GRM8: variants seen among roughly 807,000 people sequenced by gnomAD.
The protein encoded by GRM8 is glutamate metabotropic receptor 8.
In GRM8, 47 loss-of-function variants were observed where a neutral mutation model predicts 87.2. The observed-to-expected ratio is 0.54, with a 90% CI of 0.43 to 0.69. The LOEUF is 0.69. GRM8 is among the 30% of genes least tolerant of loss of function. The pLI, the probability that GRM8 is intolerant of heterozygous loss-of-function variation, is 0.00. For missense variants in GRM8, 1,019 were observed against 1,139.2 expected, an observed-to-expected ratio of 0.89 and a Z score of 1.52; for synonymous variants, 396 against 404.5, an observed-to-expected ratio of 0.98 and a Z score of 0.25.
At chr7:126,763,466 TATATATACACACAC>T (rs1212103844) in intron 7 of GRM8, among the ~76,000 whole-genome samples, 1 of 82,608 alleles carries the variant, frequency 1.2e-5, no homozygotes, top group Non-Finnish European at 2.8e-5. Context: ...TATATATATA[TATATATACACACAC>T]ACACACACAC....
chr7:126,556,141 ACTT>A lies in GRM8; in HGVS notation c.1495-22257_1495-22255del, dbSNP rs1793108942. 2.0e-5 allele frequency among the ~76,000 whole-genome samples: 3 copies of A among 152,118 alleles called. No homozygotes were observed. The South Asian group carries it at 6.2e-4, about 32-fold the overall frequency. On this transcript the variant is annotated intron_variant, in intron 8 of 10. Transcript: ENST00000339582. ...AAGTTACTTGAATGAGAGACAAAATACTTCGTATCCATGAAATGAAATAACTCA... is the reference window on the plus strand; with the variant it reads ...AAGTTACTTGAATGAGAGACAAAATACGTATCCATGAAATGAAATAACTCA...
At chr7:126,617,336 C>T (rs1799613823) in intron 7 of GRM8, among the ~76,000 whole-genome samples, 2 of 152,248 alleles carry the variant, frequency 1.3e-5, no homozygotes, top group African/African-American at 4.8e-5. Context: ...GCCTTTCATG[C>T]TAAAAACTCT....
chr7:126,912,491 T>C (rs750473339), intron 3 of GRM8, among the ~76,000 whole-genome samples: 9 of 152,342 alleles, frequency 5.9e-5, no homozygotes, highest in Admixed American at 3.3e-4. Flanking sequence ...TCATCCTCCA[T>C]AATTATGTAA....
chr7:127,202,203 A>T (rs372865101), intron 2 of GRM8, among the ~76,000 whole-genome samples: 1 of 128,870 alleles, frequency 7.8e-6, no homozygotes, highest in African/African-American at 2.9e-5. Flanking sequence ...AAAAAAAAAA[A>T]GGGTCTCACT....
chr7:126,628,587 T>C (rs1037379518), intron 7 of GRM8, among the ~76,000 whole-genome samples: 6 of 152,172 alleles, frequency 3.9e-5, no homozygotes, highest in Non-Finnish European at 8.8e-5. Context: ...AAAGTAAGTA[T>C]ACAAAATACA....
chr7:126,883,936 A>T (rs967655563), intron 6 of GRM8, among the ~76,000 whole-genome samples: 1 of 152,200 alleles, frequency 6.6e-6, no homozygotes, highest in African/African-American at 2.4e-5. Flanking sequence ...GATGTATAAA[A>T]TATGTGTATT....
At position 126,788,302 on chromosome 7, in the gene GRM8, C is replaced by T. The variant is rs1268084394; in HGVS notation, c.1157-18237G>A. Among the ~76,000 whole-genome samples the T allele has an allele frequency of 4.0e-5, 6 of 149,888 alleles. No homozygotes were observed. The East Asian group carries it at 5.9e-4, about 15-fold the overall frequency. On this transcript the variant is annotated intron_variant, in intron 6 of 10. Transcript: ENST00000339582. The stretch of plus-strand genomic sequence containing the variant: ...GTGGGCACCTGTAAACCCAGCTACT[C>T]GAGAGGCTGAGACAGGAGAATTGCT...
intron 2 of GRM8, among the ~76,000 whole-genome samples, chr7:127,153,565 T>A (rs886982374): frequency 6.6e-6 from 1 of 151,940 alleles, no homozygotes; most frequent in African/African-American, 2.4e-5. Context: ...CTTGAAAGAG[T>A]CACTTTGGGA....
chr7:126,451,934 T>C (rs1296376940), intron 9 of GRM8, among the ~76,000 whole-genome samples: 1 of 151,872 alleles, frequency 6.6e-6, no homozygotes, highest in African/African-American at 2.4e-5. Flanking sequence ...TAAAAGTCTA[T>C]ATATTTTACT....
intron 3 of GRM8, among the ~76,000 whole-genome samples, chr7:126,926,803 G>A (rs1046226601): frequency 2.0e-5 from 3 of 152,130 alleles, no homozygotes; most frequent in Admixed American, 6.5e-5. Context: ...ACTCCTCCAG[G>A]AGACCTTCCC....
At chr7:127,053,799 G>GT (rs1554580054) in intron 3 of GRM8, among the ~76,000 whole-genome samples, 1 of 18,894 alleles carries the variant, frequency 5.3e-5, no homozygotes, top group East Asian at 4.8e-4. Flanking sequence ...AAAAAAAAAA[G>GT]GGGGGGGGGA....
At position 126,988,074 on chromosome 7, in the gene GRM8, TAA is replaced by T. The variant is rs5887321; in HGVS notation, c.728-83393_728-83392del. 4.8e-3 allele frequency among the ~76,000 whole-genome samples: 706 copies of T among 148,266 alleles called. 4 individuals are homozygous for T. Among genetic ancestry groups the T allele is most frequent in the South Asian group, 0.017 (79 of 4,702 alleles). The stretch of plus-strand genomic sequence containing the variant: ...ATTAAAGACACTAAAGCTCTTCGTT[TAA>T]AAAAAAAAAATGACAACACAGATGC... On this transcript the variant is annotated intron_variant, in intron 3 of 10. Coordinates refer to ENST00000339582, the MANE Select transcript of GRM8 (RefSeq NM_000845.3).
chr7:126,450,690 C>T (rs1802525841), intron 9 of GRM8, among the ~76,000 whole-genome samples: 1 of 151,524 alleles, frequency 6.6e-6, no homozygotes, highest in South Asian at 2.1e-4. Flanking sequence ...GTGGTAACAC[C>T]CCAAATCAAT....
At chr7:126,925,435 A>G (rs913538986) in intron 3 of GRM8, among the ~76,000 whole-genome samples, 9 of 152,336 alleles carry the variant, frequency 5.9e-5, no homozygotes, top group African/African-American at 1.9e-4. Flanking sequence ...GAAGATCTAA[A>G]CAATACAATT....
chr7:127,207,393 A>ATTTAG (rs1795972018), intron 2 of GRM8, among the ~76,000 whole-genome samples: 2 of 152,174 alleles, frequency 1.3e-5, no homozygotes, highest in African/African-American at 4.8e-5. Context: ...AACACTAATC[A>ATTTAG]TAAATGCTCA....
chr7:126,824,078 T>C (rs1195363030), intron 6 of GRM8, among the ~76,000 whole-genome samples: 1 of 152,226 alleles, frequency 6.6e-6, no homozygotes, highest in Admixed American at 6.5e-5. Flanking sequence ...AAATATAGGA[T>C]ATCTAAAAAT....
At chr7:127,137,709 T>C (rs189831617) in intron 2 of GRM8, among the ~76,000 whole-genome samples, 1 of 152,210 alleles carries the variant, frequency 6.6e-6, no homozygotes, top group East Asian at 1.9e-4. Context: ...TTAATTTGCT[T>C]TGCTATTAAA....
At chr7:126,733,399 T>C (rs934137186) in intron 7 of GRM8, among the ~76,000 whole-genome samples, 1 of 150,494 alleles carries the variant, frequency 6.6e-6, no homozygotes, top group Admixed American at 6.6e-5. Flanking sequence ...TCAGGCTATA[T>C]GTTTGGAAAT....
intron 2 of GRM8, among the ~76,000 whole-genome samples, chr7:127,213,172 C>T (rs984437085): frequency 2.6e-5 from 4 of 152,184 alleles, no homozygotes; most frequent in African/African-American, 9.7e-5. Context: ...CTTCAACTGG[C>T]TCACTTCTCC....
Sources: allele counts gnomAD v4.1 joint callset (sites outside exome capture counted in the v4.1 genomes callset), GRCh38; gene constraint gnomAD v4.1.1; transcripts MANE v1.5; gene names NCBI Gene and HGNC (gene_info 2026-07-23, HGNC 2026-07-21).